KANSL3: variants seen among roughly 807,000 people sequenced by gnomAD.
KANSL3 encodes NSL complex protein NSL3.
A neutral mutation model predicts 89.2 loss-of-function variants in KANSL3; 16 were observed. That is an observed-to-expected ratio of 0.18 (90% CI 0.12 to 0.27). KANSL3 has a LOEUF of 0.27. Among genes scored for constraint, KANSL3 ranks in the 10% least tolerant of loss-of-function variants. KANSL3 has a pLI of 1.00. For synonymous variants in KANSL3, 385 were observed against 419.7 expected (o/e 0.92, Z 1.01); for missense variants, 879 against 1,110.6 (o/e 0.79, Z 2.96).
At chr2:96,612,380 A>G in intron 8 of KANSL3, 27 bp from the exon 9 acceptor site, 1 of 1,609,272 alleles carries the variant, frequency 6.2e-7, no homozygotes. Context: ...AGAAGACAGT[A>G]AGACAGGAGG....
Position 96,604,857 on chromosome 2 carries a change from C to A in KANSL3, c.1940G>T (p.Gly647Val), listed in dbSNP as rs199677710. The A allele has an allele frequency of 9.2e-5, 147 of 1,590,714 alleles. 1 individual carries two copies. Among genetic ancestry groups the A allele is most frequent in the Non-Finnish European group, 1.1e-4 (124 of 1,168,574 alleles). The change falls in exon 16 of 21, where the codon GGT becomes GTT. Residue 647 changes from glycine to valine, a missense_variant. Coordinates refer to ENST00000431828, the MANE Select transcript of KANSL3 (RefSeq NM_001115016.3). ...PSQGSAPEAA[G>V]GKPITMTLGQ... Reference sequence around the variant, plus strand: ...CAGTGTCATGGTGATGGGCTTCCCACCTGCAGCTTCAAAACAGAAAACCCC... The same window carrying A: ...CAGTGTCATGGTGATGGGCTTCCCAACTGCAGCTTCAAAACAGAAAACCCC...
chr2:96,631,288 TC>T, intron 3 of KANSL3, 23 bp downstream of exon 3: 1 of 1,523,746 alleles, frequency 6.6e-7, no homozygotes, highest in Non-Finnish European at 9.1e-7. Flanking sequence ...AGGGCAGTGA[TC>T]ATCCTCCTGA....
chr2:96,630,462 C>T (rs543947457), intron 3 of KANSL3, among the ~76,000 whole-genome samples: 2 of 152,264 alleles, frequency 1.3e-5, no homozygotes, highest in East Asian at 3.9e-4. Context: ...ATGAAATGTC[C>T]AGAATAGGCA....
At chr2:96,598,498 G>T (rs1397327578) in intron 20 of KANSL3, among the ~76,000 whole-genome samples, 2 of 152,082 alleles carry the variant, frequency 1.3e-5, no homozygotes, top group Non-Finnish European at 2.9e-5. Context: ...ATAGGGTCTT[G>T]TTGCCTTTGT....
the KANSL3 span, among the ~76,000 whole-genome samples, chr2:96,587,982 AAAAAAC>A: frequency 9.9e-5 from 15 of 152,224 alleles, no homozygotes; most frequent in African/African-American, 3.6e-4. Flanking sequence ...ACCAACAGAA[AAAAAAC>A]AAAAGAACAG....
intron 14 of KANSL3, 60 bp from the exon 15 acceptor site, chr2:96,605,571 G>A (rs987173374): frequency 2.9e-6 from 4 of 1,362,422 alleles, no homozygotes; most frequent in Non-Finnish European, 4.2e-6. Context: ...CAGACACTCA[G>A]TCAATACCAG....
chr2:96,600,124 C>T (rs182349705), intron 20 of KANSL3, among the ~76,000 whole-genome samples: 203 of 152,250 alleles, frequency 1.3e-3, no homozygotes, highest in African/African-American at 4.5e-3. Flanking sequence ...ACTAGCCAGC[C>T]TCTGAAAAGA....
intron 5 of KANSL3, among the ~76,000 whole-genome samples, chr2:96,616,832 C>G (rs930978565): frequency 6.6e-6 from 1 of 152,170 alleles, no homozygotes; most frequent in Non-Finnish European, 1.5e-5. Flanking sequence ...TGGAGTCCCC[C>G]CAGTGGTCTG....
chr2:96,603,566 G>A (rs2067505576), intron 17 of KANSL3: 1 of 152,554 alleles, frequency 6.6e-6, no homozygotes, highest in Non-Finnish European at 1.5e-5. Context: ...TTACAGGTGT[G>A]AGTCACCATG....
intron 3 of KANSL3, among the ~76,000 whole-genome samples, chr2:96,627,718 TTA>T (rs1229147796): frequency 5.3e-5 from 8 of 152,020 alleles, no homozygotes; most frequent in Non-Finnish European, 1.5e-5. Flanking sequence ...TTACATGACT[TTA>T]TATAAGAAGA....
chr2:96,621,779 C>T (rs2071328682), intron 3 of KANSL3, among the ~76,000 whole-genome samples: 1 of 152,020 alleles, frequency 6.6e-6, no homozygotes, highest in Admixed American at 6.6e-5. Flanking sequence ...GGTCAAAGAA[C>T]ACAAAAAGGC....
chr2:96,626,724 AT>A (rs1219642560), intron 3 of KANSL3, among the ~76,000 whole-genome samples: 1 of 152,220 alleles, frequency 6.6e-6, no homozygotes, highest in East Asian at 1.9e-4. Context: ...CTGGCCCAAC[AT>A]CTTCAGGACT....
At chr2:96,606,014 TAG>T (rs2067927434) in intron 14 of KANSL3, 1 of 152,640 alleles carries the variant, frequency 6.6e-6, no homozygotes, top group South Asian at 2.1e-4. Flanking sequence ...CTCTAAAAAG[TAG>T]AGTTTTCCAA....
chr2:96,623,707 G>A (rs571481730), intron 3 of KANSL3, among the ~76,000 whole-genome samples: 1 of 152,252 alleles, frequency 6.6e-6, no homozygotes, highest in Admixed American at 6.5e-5. Flanking sequence ...AAAGAGCTAT[G>A]TGCCCTGAGT....
intron 12 of KANSL3, 60 bp downstream of exon 12, chr2:96,609,439 A>C (rs2068522644): frequency 6.6e-7 from 1 of 1,508,426 alleles, no homozygotes; most frequent in South Asian, 1.1e-5. Context: ...ATAAGACCAA[A>C]CCTAAAAGGC....
chr2:96,631,359 A>G lies in KANSL3; in HGVS notation c.339T>C (p.Asp113=). Residue 113 remains aspartate (D), a synonymous_variant, in exon 3 of 21, where the codon GAT becomes GAC. Coordinates refer to ENST00000431828, the MANE Select transcript of KANSL3 (RefSeq NM_001115016.3). ...CCTCTGGTGGAGGAGGGGCATCTGC[A>G]TCAGTCCTGGCAAAGATGACATGCC... The part of the protein sequence containing the change: ...CERHVIFART[D]ADAPPPPEDW... 4.3e-6 allele frequency: 7 copies of G among 1,613,244 alleles called. No individual in the cohort carries two copies. The highest frequency in any genetic ancestry group is 5.9e-6 in the Non-Finnish European group (7 of 1,179,614).
chr2:96,592,385 G>A (rs536616181), downstream of KANSL3, among the ~76,000 whole-genome samples: 4 of 152,302 alleles, frequency 2.6e-5, no homozygotes, highest in Non-Finnish European at 5.9e-5. Flanking sequence ...GCGGTGGGTG[G>A]AGGTATAGGA....
In KANSL3 at chr2:96,612,892, C is replaced by T. The variant is rs1369458156; in HGVS notation, c.838G>A (p.Gly280Ser). 1 of 1,570,354 alleles carries T rather than the reference C, an allele frequency of 6.4e-7. No homozygotes were observed. Among genetic ancestry groups the T allele is most frequent in the East Asian group, 2.3e-5 (1 of 42,616 alleles). The change falls in exon 7 of 21, where the codon GGT becomes AGT. Residue 280 changes from glycine (G) to serine (S), a missense_variant. Gly to Ser is a moderately conservative substitution (Grantham distance 56). Coordinates refer to ENST00000431828, the MANE Select transcript of KANSL3 (RefSeq NM_001115016.3). Reference sequence around the variant, plus strand: ...GTGGGAAACACAGAGCTGGAGGGACCAGAGGAGGCGATGAGAATCAGCGGA... The same window carrying T: ...GTGGGAAACACAGAGCTGGAGGGACTAGAGGAGGCGATGAGAATCAGCGGA... Reference protein sequence around the residue: ...GSPLILIASSGPSSSVFPTSR... With the variant: ...GSPLILIASSSPSSSVFPTSR...
chr2:96,582,069 C>A, the KANSL3 span, among the ~76,000 whole-genome samples: 1 of 152,094 alleles, frequency 6.6e-6, no homozygotes, highest in Non-Finnish European at 1.5e-5. Context: ...ATTTTTCTCT[C>A]CCCCAGATAA....
Sources: gnomAD v4.1 joint callset for allele counts (sites outside exome capture counted in the v4.1 genomes callset) on GRCh38, gnomAD v4.1.1 for gene constraint, MANE v1.5 for transcripts, NCBI Gene and HGNC (gene_info 2026-07-23, HGNC 2026-07-21) for gene names.